NT5C1B: variants seen among roughly 807,000 people sequenced by gnomAD.
The protein encoded by NT5C1B is 5'-nucleotidase, cytosolic IB, also known as cytosolic 5'-nucleotidase 1B.
Under a neutral mutation model 57.8 loss-of-function variants are expected in NT5C1B, and 44 were observed. The observed-to-expected ratio is 0.76, with a 90% CI of 0.60 to 0.98. NT5C1B has a LOEUF of 0.98. Among genes scored for constraint, NT5C1B ranks in the 50% least tolerant of loss-of-function variants. The probability of loss-of-function intolerance (pLI) is 0.00; values close to 1 mark genes in which losing one functional copy is unlikely to be tolerated. For synonymous variants in NT5C1B, 284 were observed against 282.6 expected, an observed-to-expected ratio of 1.00 and a Z score of -0.05; for missense variants, 742 against 719.5, an observed-to-expected ratio of 1.03 and a Z score of -0.36.
intron 6 of NT5C1B, among the ~76,000 whole-genome samples, chr2:18,577,530 A>C (rs1216455327): frequency 5.3e-5 from 8 of 152,002 alleles, no homozygotes; most frequent in Admixed American, 5.2e-4. Context: ...AATGAAATTA[A>C]GGCAGAAATC....
Position 18,584,954 on chromosome 2 carries a change from G to A in NT5C1B, c.283C>T (p.Arg95Trp), listed in dbSNP as rs779702855. Residue 95 changes from arginine to tryptophan, a missense_variant, in exon 4 of 9, where the codon CGG becomes TGG. Transcript: ENST00000304081. The surrounding 1 kb of genome is among the most constrained non-coding windows in gnomAD (Gnocchi z 5.8). Reference sequence around the variant, plus strand: ...AGGCTTGGGGAGGTGGATGGAGTCCGGGAGCTCGTGGAGCTGCTGGGGAGC... The same window carrying A: ...AGGCTTGGGGAGGTGGATGGAGTCCAGGAGCTCGTGGAGCTGCTGGGGAGC... 2 of 1,540,236 alleles carry A rather than the reference G, an allele frequency of 1.3e-6. No homozygotes were observed. The highest frequency in any genetic ancestry group is 4.5e-5 in the East Asian group (2 of 44,166).
In NT5C1B at chr2:18,584,067, C is replaced by T; in HGVS notation, c.891+21G>A. The T allele has an allele frequency of 6.2e-7, 1 of 1,614,154 alleles. No individual in the cohort carries two copies. The highest frequency in any genetic ancestry group is 8.5e-7 in the Non-Finnish European group (1 of 1,180,036). ...CTCGCCATCGAGTGTCCTGGCGGGC[C>T]AAAGACAGCTTGCAGAATACCTTGA... On this transcript the variant is annotated intron_variant, in intron 5 of 8. Transcript: ENST00000304081. The surrounding 1 kb of genome is among the most constrained non-coding windows in gnomAD (Gnocchi z 5.8).
At chr2:18,589,321 T>C in intron 1 of NT5C1B, 118 bp downstream of exon 1, 1 of 1,384,898 alleles carries the variant, frequency 7.2e-7, no homozygotes. Context: ...TTCCTCTACC[T>C]GAAGCCATTA....
chr2:18,563,417 A>G (rs985601350), exon 9 of NT5C1B: 1 of 160,648 alleles, frequency 6.2e-6, no homozygotes, highest in Non-Finnish European at 1.4e-5. Context: ...ACACTATTCT[A>G]CAATGCTGAT....
chr2:18,568,299 A>C (rs1276446733), intron 8 of NT5C1B, among the ~76,000 whole-genome samples: 1 of 152,208 alleles, frequency 6.6e-6, no homozygotes, highest in Non-Finnish European at 1.5e-5. Context: ...GGAGAAACAC[A>C]CAGTAAACCC....
chr2:18,577,447 G>C (rs970583312), intron 6 of NT5C1B, among the ~76,000 whole-genome samples: 1 of 121,312 alleles, frequency 8.2e-6, no homozygotes, highest in Non-Finnish European at 1.6e-5. Flanking sequence ...AAAAAAAAAG[G>C]CTCTATCTCA....
chr2:18,586,718 C>G (rs902936535), intron 2 of NT5C1B: 5 of 588,506 alleles, frequency 8.5e-6, no homozygotes, highest in Non-Finnish European at 1.4e-5. Flanking sequence ...CTTCTTCCCT[C>G]GAGGATAAGC....
At chr2:18,569,516 A>T (rs1664960201) in intron 8 of NT5C1B, among the ~76,000 whole-genome samples, 1 of 152,160 alleles carries the variant, frequency 6.6e-6, no homozygotes, top group South Asian at 2.1e-4. Context: ...TATAAACACA[A>T]TTTAAATATA....
At chr2:18,587,984 A>T (rs1666876249) in intron 1 of NT5C1B, among the ~76,000 whole-genome samples, 1 of 152,188 alleles carries the variant, frequency 6.6e-6, no homozygotes, top group East Asian at 1.9e-4. Context: ...TTAGAATTCA[A>T]TTTTTTCTTG....
chr2:18,582,857 A>G lies in NT5C1B; in HGVS notation c.1021+11T>C, dbSNP rs773503809. The stretch of plus-strand genomic sequence containing the variant: ...AGAGCTGGTCTTCCACATGGTATTT[A>G]TTTTACTTACCGTAGTGATTGACGC... On this transcript the variant is annotated intron_variant, in intron 6 of 8. Coordinates refer to ENST00000304081, the Ensembl canonical transcript of NT5C1B. 7.4e-6 allele frequency: 12 copies of G among 1,611,830 alleles called. No homozygotes were observed. Among genetic ancestry groups the G allele is most frequent in the Non-Finnish European group, 9.3e-6 (11 of 1,179,124 alleles).
Position 18,584,045 on chromosome 2 carries a change from GCCATCGAGT to G in NT5C1B, c.891+34_891+42del. 6.2e-7 allele frequency: 1 copy of G among 1,614,022 alleles called. No homozygotes were observed. Among genetic ancestry groups the G allele is most frequent in the Non-Finnish European group, 8.5e-7 (1 of 1,179,950 alleles). Reference sequence around the variant, plus strand: ...AAGGGTTGGCCTGGGTCCCTCCCTCGCCATCGAGTGTCCTGGCGGGCCAAAGACAGCTTG... The same window carrying G: ...AAGGGTTGGCCTGGGTCCCTCCCTCGGTCCTGGCGGGCCAAAGACAGCTTG... On this transcript the variant is annotated intron_variant, in intron 5 of 8. Coordinates refer to ENST00000304081, the Ensembl canonical transcript of NT5C1B. This position sits in a 1 kb window ranked among gnomAD's most constrained non-coding sequence, Gnocchi z 5.8.
At chr2:18,563,428 G>A (rs1300232543) in exon 9 of NT5C1B, 1 of 164,016 alleles carries the variant, frequency 6.1e-6, no homozygotes, top group Admixed American at 6.1e-5. Context: ...CAATGCTGAT[G>A]GGTAACAATT....
At chr2:18,574,635 A>G (rs1665510490) in intron 8 of NT5C1B, among the ~76,000 whole-genome samples, 1 of 152,118 alleles carries the variant, frequency 6.6e-6, no homozygotes, top group Non-Finnish European at 1.5e-5. Flanking sequence ...GACACAACAT[A>G]ATATTAGTCA....
exon 9 of NT5C1B, chr2:18,563,969 G>A (rs750272718): frequency 1.1e-5 from 17 of 1,614,070 alleles, no homozygotes; most frequent in South Asian, 5.5e-5. Context: ...AGACCCCAGC[G>A]TCGAAGGGTC....
chr2:18,586,269 C>A, exon 3 of NT5C1B: 1 of 1,614,086 alleles, frequency 6.2e-7, no homozygotes. Context: ...CACTGGTGTT[C>A]CTGCTTCTAG....
At chr2:18,588,442 T>C (rs1190567750) in intron 1 of NT5C1B, among the ~76,000 whole-genome samples, 1 of 152,194 alleles carries the variant, frequency 6.6e-6, no homozygotes, top group African/African-American at 2.4e-5. Flanking sequence ...AGGAAAAATC[T>C]CATCAATGTT....
chr2:18,566,205 TTTTA>T (rs1318405323), intron 8 of NT5C1B, among the ~76,000 whole-genome samples: 1 of 152,164 alleles, frequency 6.6e-6, no homozygotes, highest in African/African-American at 2.4e-5. Context: ...TCAGCTCTCT[TTTTA>T]TTATTACTTA....
chr2:18,578,068 C>T (rs369688921), intron 6 of NT5C1B, among the ~76,000 whole-genome samples: 3 of 152,128 alleles, frequency 2.0e-5, no homozygotes, highest in East Asian at 3.9e-4. Flanking sequence ...CAAGATTGAA[C>T]CAGGAAGAAA....
chr2:18,568,892 AAT>A (rs1664898370), intron 8 of NT5C1B, among the ~76,000 whole-genome samples: 1 of 152,190 alleles, frequency 6.6e-6, no homozygotes, highest in African/African-American at 2.4e-5. Flanking sequence ...CCCTTAAATG[AAT>A]AAAACCAAAC....
Sources: allele counts gnomAD v4.1 joint callset (sites outside exome capture counted in the v4.1 genomes callset), GRCh38; gene constraint gnomAD v4.1.1; non-coding constraint Gnocchi (gnomAD v3.1); transcripts MANE v1.5; gene names NCBI Gene and HGNC (gene_info 2026-07-23, HGNC 2026-07-21).